Variants in SH2D1A observed in about 807,000 individuals in gnomAD.
The protein encoded by SH2D1A is SH2 domain-containing protein 1A.
A neutral mutation model predicts 10.1 loss-of-function variants in SH2D1A; 6 were observed. The observed-to-expected ratio is 0.60, with a 90% CI of 0.33 to 1.18. The LOEUF is 1.18. Ranked by LOEUF, SH2D1A falls within the 50% of genes most tolerant of loss-of-function variation. SH2D1A has a pLI of 0.04. For missense variants in SH2D1A, 51 were observed against 97.6 expected (o/e 0.52, Z 2.01); for synonymous variants, 42 against 36.9 (o/e 1.14, Z -0.51).
Position 124,372,507 on chromosome X carries a change from C to T in SH2D1A, c.*1116C>T, listed in dbSNP as rs936417968. 2.4e-5 allele frequency: 4 copies of T among 169,415 alleles called. No individual in the cohort carries two copies. Among genetic ancestry groups the T allele is most frequent in the Non-Finnish European group, 3.4e-5 (3 of 88,812 alleles). 14.0% of individuals were successfully genotyped at this position (169,415 alleles called of 1,213,427 possible). A position where few individuals can be genotyped will look rare whatever the true frequency, so the allele number is the denominator to read the frequency against. On this transcript the variant is annotated 3_prime_UTR_variant, in exon 4 of 4. Coordinates refer to ENST00000371139, the MANE Select transcript of SH2D1A (RefSeq NM_002351.5). ...GATAAAAGACAGTGAAAGAAAATAA[C>T]GATAAAAGACAGTGAAAGAAAATAA...
chrX:124,358,799 A>G (rs2060032371), intron 1 of SH2D1A, among the ~76,000 whole-genome samples: 1 of 111,339 alleles, frequency 9.0e-6, no homozygotes. Flanking sequence ...ATGTTCATAC[A>G]AATCACCTGG....
chrX:124,363,887 T>G (rs1184824474), intron 1 of SH2D1A, among the ~76,000 whole-genome samples: 1 of 24,138 alleles, frequency 4.1e-5, no homozygotes, highest in Non-Finnish European at 6.4e-5. Context: ...CGAGACTCTA[T>G]CTCAAAAAAA....
chrX:124,347,834 T>C (rs1346971279), intron 1 of SH2D1A, among the ~76,000 whole-genome samples: 1 of 110,553 alleles, frequency 9.0e-6, no homozygotes, highest in African/African-American at 3.3e-5. Flanking sequence ...TTAGGAATCA[T>C]GGGGGCATTT....
At chrX:124,367,476 G>GCTGA (rs1201578126) in intron 2 of SH2D1A, 1 of 111,984 alleles carries the variant, frequency 8.9e-6, no homozygotes, top group Non-Finnish European at 1.9e-5. Context: ...TTGAAGAATA[G>GCTGA]CTGAGTTCAG....
intron 1 of SH2D1A, among the ~76,000 whole-genome samples, chrX:124,350,978 TA>T (rs2060012704): frequency 2.4e-5 from 1 of 41,951 alleles, no homozygotes; most frequent in Admixed American, 2.6e-4. Context: ...ATATAAGATA[TA>T]ATATATTATA....
Position 124,360,445 on chromosome X carries a change from T to TAA in SH2D1A, c.138-5290_138-5289dup, listed in dbSNP as rs752399450. On this transcript the variant is annotated intron_variant, in intron 1 of 3. Transcript: ENST00000371139. ...AGCAAGACCCTGTCTCTGCAAAAACTAAAAAAAAAAAAAAAAAAAAAAAAA... is the reference window on the plus strand; with the variant it reads ...AGCAAGACCCTGTCTCTGCAAAAACTAAAAAAAAAAAAAAAAAAAAAAAAAAA... 6.1e-3 allele frequency among the ~76,000 whole-genome samples: 195 copies of TAA among 31,981 alleles called. 6 individuals are homozygous for TAA. Among genetic ancestry groups the TAA allele is most frequent in the African/African-American group, 0.023 (171 of 7,517 alleles). 27.8% of individuals were successfully genotyped at this position (31,981 alleles called of 115,157 possible). A position where few individuals can be genotyped will look rare whatever the true frequency, so the allele number is the denominator to read the frequency against.
chrX:124,350,706 T>A (rs1393836293), intron 1 of SH2D1A, among the ~76,000 whole-genome samples: 9 of 22,708 alleles, frequency 4.0e-4, no homozygotes, highest in African/African-American at 1.3e-3. Flanking sequence ...TATAAGATAA[T>A]ATATTATATA....
rs1229833764 is a variant in SH2D1A at position 124,372,224 on chromosome X, C to T, written c.*833C>T. On this transcript the variant is annotated 3_prime_UTR_variant, in exon 4 of 4. Coordinates refer to ENST00000371139, the MANE Select transcript of SH2D1A (RefSeq NM_002351.5). Reference sequence around the variant, plus strand: ...TCCTTTTAAAGTAACCCTACAAAACCACTGGAAAGTTTATGGTTGTATTAT... The same window carrying T: ...TCCTTTTAAAGTAACCCTACAAAACTACTGGAAAGTTTATGGTTGTATTAT... The T allele has an allele frequency of 2.4e-5, 4 of 164,483 alleles. No individual in the cohort carries two copies. The highest frequency in any genetic ancestry group is 4.7e-5 in the Non-Finnish European group (4 of 85,758). The allele number at this position is 164,483 out of a possible 1,213,427, so 13.6% of individuals were successfully genotyped here. A position where few individuals can be genotyped will look rare whatever the true frequency, so the allele number is the denominator to read the frequency against.
At chrX:124,364,850 C>G (rs1354759059) in intron 1 of SH2D1A, among the ~76,000 whole-genome samples, 2 of 111,616 alleles carry the variant, frequency 1.8e-5, no homozygotes, top group Non-Finnish European at 3.8e-5. Context: ...TTCACATTCA[C>G]TCACCACTCA....
intron 2 of SH2D1A, among the ~76,000 whole-genome samples, chrX:124,366,956 C>T (rs1207093516): frequency 9.1e-6 from 1 of 109,407 alleles, no homozygotes; most frequent in Admixed American, 9.8e-5. Flanking sequence ...AGCTCTTCTC[C>T]CCAGAGAAAT....
At position 124,354,191 on chromosome X, in the gene SH2D1A, G is replaced by A. The variant is rs978577683; in HGVS notation, c.137+7412G>A. Among the ~76,000 whole-genome samples, 3 of 111,716 alleles carry A rather than the reference G, an allele frequency of 2.7e-5. No homozygotes were observed. The Admixed American group carries it at 2.9e-4, about 11-fold the overall frequency. ...GATTGTTTGCCACATATAAACCACC[G>A]AATGGATAATTCACGGCAAATAAGC... On this transcript the variant is annotated intron_variant, in intron 1 of 3. Coordinates refer to ENST00000371139, the MANE Select transcript of SH2D1A (RefSeq NM_002351.5).
At chrX:124,359,907 T>C (rs2147527597) in intron 1 of SH2D1A, among the ~76,000 whole-genome samples, 1 of 110,284 alleles carries the variant, frequency 9.1e-6, no homozygotes, top group Admixed American at 9.6e-5. Context: ...ATGAAAGATA[T>C]AGTAATTTTT....
intron 1 of SH2D1A, among the ~76,000 whole-genome samples, chrX:124,360,888 G>A (rs2060038831): frequency 9.0e-6 from 1 of 111,066 alleles, no homozygotes; most frequent in Non-Finnish European, 1.9e-5. Flanking sequence ...TGGGGATCAG[G>A]AACTGGGGAT....
intron 1 of SH2D1A, among the ~76,000 whole-genome samples, chrX:124,349,966 A>G (rs1269198304): frequency 9.6e-6 from 1 of 104,217 alleles, no homozygotes; most frequent in Admixed American, 1.1e-4. Context: ...AATCATCTAT[A>G]GTTTTATAAC....
chrX:124,348,935 A>T (rs1341674667), intron 1 of SH2D1A, among the ~76,000 whole-genome samples: 1 of 112,284 alleles, frequency 8.9e-6, no homozygotes, highest in East Asian at 2.8e-4. Flanking sequence ...ATAAAACAGG[A>T]ATAGTAATGT....
chrX:124,366,134 C>G (rs1389542601), intron 2 of SH2D1A, among the ~76,000 whole-genome samples: 1 of 110,665 alleles, frequency 9.0e-6, no homozygotes, highest in Non-Finnish European at 1.9e-5. Flanking sequence ...ATTAAATGAA[C>G]AATTATTTAC....
intron 1 of SH2D1A, among the ~76,000 whole-genome samples, chrX:124,357,370 T>C (rs1049129480): frequency 6.2e-5 from 7 of 112,446 alleles, no homozygotes; most frequent in African/African-American, 2.3e-4. Context: ...ACAACATATT[T>C]TCTTTATCCA....
chrX:124,351,099 A>C (rs1329560435), intron 1 of SH2D1A, among the ~76,000 whole-genome samples: 1 of 94,486 alleles, frequency 1.1e-5, no homozygotes, highest in East Asian at 3.1e-4. Flanking sequence ...ATATATTTAT[A>C]TATATTTATA....
intron 1 of SH2D1A, chrX:124,353,231 CCATAA>C (rs762962248): frequency 1.6e-4 from 22 of 136,317 alleles, no homozygotes; most frequent in Middle Eastern, 6.5e-4. Context: ...TCTTCCCTTC[CCATAA>C]CATAAGTCTC....
Sources: gnomAD v4.1 joint callset for allele counts (sites outside exome capture counted in the v4.1 genomes callset) on GRCh38, gnomAD v4.1.1 for gene constraint, MANE v1.5 for transcripts, NCBI Gene and HGNC (gene_info 2026-07-23, HGNC 2026-07-21) for gene names.